Variants in CFH observed in about 807,000 individuals in gnomAD.
CFH encodes complement factor H.
Under a neutral mutation model 147.3 loss-of-function variants are expected in CFH, and 53 were observed. The ratio of observed to expected loss-of-function variants is 0.36; its 90% CI spans 0.29 to 0.45. CFH has a LOEUF of 0.45. Among genes scored for constraint, CFH ranks in the 20% least tolerant of loss-of-function variants. The pLI is 1.00. For synonymous variants in CFH, 536 were observed against 489.4 expected (o/e 1.10, Z -1.26); for missense variants, 1,380 against 1,498.0 (o/e 0.92, Z 1.30).
In CFH at chr1:196,717,375, A is replaced by G. The variant is rs117010056; in HGVS notation, c.1696+1606A>G. Among the ~76,000 whole-genome samples the G allele has an allele frequency of 7.5e-4, 114 of 152,262 alleles. 1 individual carries two copies. The East Asian group carries it at 0.02, about 27-fold the overall frequency. ...TAAATATTTATTGCCATAGTGCCTT[A>G]TATAATAAAGTCAAAGAAGTTGTAA... On this transcript the variant is annotated intron_variant, in intron 11 of 21. Transcript: ENST00000367429.
intron 11 of CFH, 39 bp from the exon 12 acceptor site, chr1:196,725,078 GATTA>G: frequency 6.5e-7 from 1 of 1,534,520 alleles, no homozygotes; most frequent in African/African-American, 1.4e-5. Context: ...CTTTGGCAAT[GATTA>G]ATTATATATT....
Position 196,688,833 on chromosome 1 carries a change from C to T in CFH, c.965-587C>T, listed in dbSNP as rs528100873. Among the ~76,000 whole-genome samples, 4 of 152,156 alleles carry T rather than the reference C, an allele frequency of 2.6e-5. No individual in the cohort carries two copies. The South Asian group carries it at 6.2e-4, about 24-fold the overall frequency. ...ATCACCATGTTGGCCCAGCTGGTCTCGAACTCCTTACGAGTGATCTGCCTG... is the reference window on the plus strand; with the variant it reads ...ATCACCATGTTGGCCCAGCTGGTCTTGAACTCCTTACGAGTGATCTGCCTG... On this transcript the variant is annotated intron_variant, in intron 7 of 21. Coordinates refer to ENST00000367429, the MANE Select transcript of CFH (RefSeq NM_000186.4).
chr1:196,688,663 T>G (rs956475993), intron 7 of CFH, among the ~76,000 whole-genome samples: 1 of 152,156 alleles, frequency 6.6e-6, no homozygotes, highest in East Asian at 1.9e-4. Flanking sequence ...CATGCTGGAG[T>G]GCAAAGACAC....
chr1:196,669,260 G>T (rs1462698207), intron 1 of CFH, among the ~76,000 whole-genome samples: 1 of 152,164 alleles, frequency 6.6e-6, no homozygotes, highest in Admixed American at 6.5e-5. Flanking sequence ...GCAGCCTGAT[G>T]ATGCAATAGA....
intron 3 of CFH, 36 bp from the exon 4 acceptor site, chr1:196,675,953 C>T (rs1203928438): frequency 2.9e-6 from 4 of 1,383,770 alleles, no homozygotes; most frequent in Non-Finnish European, 4.1e-6. Context: ...TGTAAACACA[C>T]ATTATGTCAA....
intron 1 of CFH, among the ~76,000 whole-genome samples, chr1:196,662,592 A>G (rs182583306): frequency 2.6e-5 from 4 of 152,198 alleles, no homozygotes; most frequent in Admixed American, 2.6e-4. Flanking sequence ...CTCAAATTTT[A>G]TTAATCAGCC....
Position 196,728,476 on chromosome 1 carries a change from C to G in CFH, c.2367C>G (p.His789Gln). 6.2e-7 allele frequency: 1 copy of G among 1,612,926 alleles called. No individual in the cohort carries two copies. Among genetic ancestry groups the G allele is most frequent in the Non-Finnish European group, 8.5e-7 (1 of 1,179,200 alleles). Residue 789 changes from histidine to glutamine, a missense_variant, in exon 15 of 22, where the codon CAC (histidine) becomes CAG (glutamine). Physicochemically the swap from His to Gln is conservative, Grantham distance 24. This residue lies in a region of CFH where 830 missense variants were observed against 821.4 expected (regional missense o/e 1.01). Transcript: ENST00000367429. The stretch of plus-strand genomic sequence containing the variant: ...GTAGAGGAAAAGAAGGATGGATACA[C>G]ACAGTCTGCATAAATGGAAGATGGG... The part of the protein sequence containing the change: ...YRCRGKEGWI[H>Q]TVCINGRWDP...
intron 17 of CFH, among the ~76,000 whole-genome samples, chr1:196,739,582 T>C (rs186857913): frequency 6.0e-4 from 91 of 152,296 alleles, no homozygotes; most frequent in African/African-American, 2.0e-3. Context: ...CTGGACTTCA[T>C]TGTCCATATC....
intron 2 of CFH, 148 bp from the exon 3 acceptor site, chr1:196,673,709 T>G: frequency 3.1e-6 from 2 of 654,148 alleles, no homozygotes. Flanking sequence ...TTAAGTTCAA[T>G]TATGAAATAA....
At chr1:196,719,724 A>C (rs143022919) in intron 11 of CFH, among the ~76,000 whole-genome samples, 166 of 151,750 alleles carry the variant, frequency 1.1e-3, no homozygotes, top group African/African-American at 3.8e-3. Flanking sequence ...AACATGTAAG[A>C]GATAATTTTA....
chr1:196,688,783 T>C (rs1323672510), intron 7 of CFH, among the ~76,000 whole-genome samples: 1 of 152,062 alleles, frequency 6.6e-6, no homozygotes, highest in Non-Finnish European at 1.5e-5. Flanking sequence ...GCTAATTTTT[T>C]TTGTATTTTT....
chr1:196,664,984 A>G (rs1299341877), intron 1 of CFH, among the ~76,000 whole-genome samples: 1 of 151,794 alleles, frequency 6.6e-6, no homozygotes, highest in Non-Finnish European at 1.5e-5. Flanking sequence ...TAATATTTAT[A>G]TTACCTAATT....
intron 4 of CFH, among the ~76,000 whole-genome samples, chr1:196,676,430 A>G (rs1176093938): frequency 1.3e-5 from 2 of 152,094 alleles, no homozygotes; most frequent in African/African-American, 2.4e-5. Context: ...ACCCAAATGC[A>G]GGGATCTATG....
chr1:196,668,680 T>A (rs1667177575), intron 1 of CFH, among the ~76,000 whole-genome samples: 1 of 152,196 alleles, frequency 6.6e-6, no homozygotes, highest in South Asian at 2.1e-4. Flanking sequence ...TCTCTCCTGC[T>A]ACCATATGAA....
At chr1:196,699,730 A>G (rs543206913) in intron 9 of CFH, among the ~76,000 whole-genome samples, 1 of 152,182 alleles carries the variant, frequency 6.6e-6, no homozygotes, top group African/African-American at 2.4e-5. Context: ...TTCCAGTATC[A>G]CTTGTTTAAA....
chr1:196,712,419 T>C (rs1407089207), intron 9 of CFH, among the ~76,000 whole-genome samples: 1 of 151,502 alleles, frequency 6.6e-6, no homozygotes, highest in East Asian at 1.9e-4. Flanking sequence ...AGCTATATAA[T>C]GATAAATTTC....
intron 9 of CFH, among the ~76,000 whole-genome samples, chr1:196,693,670 A>G (rs556937838): frequency 7.2e-5 from 11 of 152,134 alleles, no homozygotes; most frequent in Middle Eastern, 3.4e-3. Flanking sequence ...GGTAGTATAA[A>G]CTGTGGATGC....
chr1:196,661,848 A>C (rs1666916614), intron 1 of CFH, among the ~76,000 whole-genome samples: 1 of 152,138 alleles, frequency 6.6e-6, no homozygotes, highest in Non-Finnish European at 1.5e-5. Flanking sequence ...TTGACATACC[A>C]ATCTCCTATC....
chr1:196,712,882 T>C (rs1478131713), intron 9 of CFH, among the ~76,000 whole-genome samples: 10 of 150,570 alleles, frequency 6.6e-5, no homozygotes, highest in Non-Finnish European at 1.2e-4. Flanking sequence ...TTTTTTGTCC[T>C]TGCGATAGTT....
Sources: allele counts gnomAD v4.1 joint callset (sites outside exome capture counted in the v4.1 genomes callset), GRCh38; gene constraint gnomAD v4.1.1; regional missense constraint gnomAD v4.1.1; transcripts MANE v1.5; gene names NCBI Gene and HGNC (gene_info 2026-07-23, HGNC 2026-07-21).